The following FBXL13 variants were observed in gnomAD, a reference collection of about 807,000 sequenced individuals.
The protein encoded by FBXL13 is F-box and leucine-rich repeat protein 13.
FBXL13 carries 67 observed loss-of-function variants against 83.6 expected under a neutral mutation model. The ratio of observed to expected loss-of-function variants is 0.80; its 90% CI spans 0.66 to 0.98. The LOEUF is 0.98. FBXL13 is among the 50% of genes least tolerant of loss of function. The probability of loss-of-function intolerance (pLI) is 0.00; values close to 1 mark genes in which losing one functional copy is unlikely to be tolerated. For synonymous variants in FBXL13, 272 were observed against 299.5 expected (o/e 0.91, Z 0.95); for missense variants, 822 against 866.5 (o/e 0.95, Z 0.64).
intron 5 of FBXL13, among the ~76,000 whole-genome samples, chr7:103,026,655 G>A (rs1250606358): frequency 6.6e-6 from 1 of 152,148 alleles, no homozygotes. Flanking sequence ...CTCTAGCATT[G>A]TTTTAGGCAT....
intron 14 of FBXL13, among the ~76,000 whole-genome samples, chr7:102,881,096 C>G (rs1185785267): frequency 6.6e-6 from 1 of 152,106 alleles, no homozygotes; most frequent in Non-Finnish European, 1.5e-5. Context: ...ATATTTTTGG[C>G]AGAGCCCTTT....
chr7:102,821,969 C>CT, intron 19 of FBXL13, 71 bp downstream of exon 20: 1 of 1,491,718 alleles, frequency 6.7e-7, no homozygotes, highest in Admixed American at 1.7e-5. Context: ...TATTATGAAC[C>CT]TTATAGCCAT....
chr7:102,985,589 A>G (rs150209868), intron 6 of FBXL13, among the ~76,000 whole-genome samples: 1 of 152,336 alleles, frequency 6.6e-6, no homozygotes, highest in African/African-American at 2.4e-5. Flanking sequence ...AGTGAATTCC[A>G]TAGAGCTGGA....
chr7:102,860,241 C>G (rs1806609942), intron 16 of FBXL13, among the ~76,000 whole-genome samples: 1 of 152,136 alleles, frequency 6.6e-6, no homozygotes, highest in Non-Finnish European at 1.5e-5. Flanking sequence ...CCAACTCATT[C>G]TCTACAGAAA....
intron 8 of FBXL13, chr7:102,933,712 T>C (rs1437449329): frequency 4.4e-6 from 2 of 450,702 alleles, no homozygotes; most frequent in Non-Finnish European, 7.7e-6. Context: ...TGTTCTTATC[T>C]GTCAGTAATA....
chr7:102,970,485 C>A (rs1277948297), intron 6 of FBXL13, among the ~76,000 whole-genome samples: 1 of 152,100 alleles, frequency 6.6e-6, no homozygotes, highest in Non-Finnish European at 1.5e-5. Context: ...TATTAATGTG[C>A]AAAGAGGTTC....
rs761681047 is a variant in FBXL13, at chr7:102,963,524, C to G, written c.724+9G>C. 21 of 1,609,274 alleles carry G rather than the reference C, an allele frequency of 1.3e-5. 1 individual carries two copies. In the Middle Eastern group the frequency reaches 1.2e-3, roughly 89 times the overall value. On this transcript the variant is annotated intron_variant, in intron 8 of 19. Transcript: ENST00000313221. ...AAGCAAGACAAATAGTTGTAATGAA[C>G]ATACTTACTGACAGATCTGAAAGTT... is the stretch of plus-strand genomic sequence containing the variant.
At chr7:103,071,537 C>T (rs1472791730) in intron 1 of FBXL13, among the ~76,000 whole-genome samples, 2 of 149,190 alleles carry the variant, frequency 1.3e-5, no homozygotes, top group South Asian at 2.2e-4. Context: ...GTGTGAGCCA[C>T]TAAGACAAGT....
intron 2 of FBXL13, among the ~76,000 whole-genome samples, chr7:103,051,532 T>C (rs1796814205): frequency 1.3e-5 from 2 of 152,156 alleles, no homozygotes; most frequent in South Asian, 2.1e-4. Context: ...GTCCTGCAGG[T>C]ACCTTGTTTG....
chr7:103,003,333 G>T (rs1345960418), intron 6 of FBXL13, among the ~76,000 whole-genome samples: 10 of 132,168 alleles, frequency 7.6e-5, no homozygotes, highest in African/African-American at 3.0e-4. Flanking sequence ...TCTTGCCCAG[G>T]CTGGAGTGCA....
intron 11 of FBXL13, among the ~76,000 whole-genome samples, chr7:102,903,477 T>A (rs930471296): frequency 2.6e-5 from 4 of 152,122 alleles, no homozygotes; most frequent in African/African-American, 9.6e-5. Context: ...ACAGTGGACA[T>A]CCTTATCATG....
upstream of FBXL13, chr7:103,074,729 G>C (rs1310560563): frequency 7.8e-7 from 1 of 1,289,858 alleles, no homozygotes; most frequent in Non-Finnish European, 1.0e-6. Flanking sequence ...TCTCCTTGAA[G>C]TAGTTCTTCA....
intron 2 of FBXL13, among the ~76,000 whole-genome samples, chr7:103,041,939 T>G (rs1795756289): frequency 6.6e-6 from 1 of 152,152 alleles, no homozygotes; most frequent in Admixed American, 6.5e-5. Context: ...CTCTCAATAC[T>G]CCTATTCAAC....
At chr7:102,962,695 A>T (rs1269682471) in intron 8 of FBXL13, among the ~76,000 whole-genome samples, 1 of 152,064 alleles carries the variant, frequency 6.6e-6, no homozygotes, top group East Asian at 1.9e-4. Flanking sequence ...ACATGGATGA[A>T]ATTGGAAATC....
intron 2 of FBXL13, among the ~76,000 whole-genome samples, chr7:103,046,494 G>T (rs1423681305): frequency 6.6e-6 from 1 of 152,174 alleles, no homozygotes; most frequent in Non-Finnish European, 1.5e-5. Context: ...GAGGAGTTTT[G>T]ACTGATTATG....
At chr7:102,940,327 A>G (rs1461455123) in intron 8 of FBXL13, among the ~76,000 whole-genome samples, 1 of 151,574 alleles carries the variant, frequency 6.6e-6, no homozygotes, top group Non-Finnish European at 1.5e-5. Context: ...CTCCTGCCTC[A>G]GCCTCCCAAG....
intron 16 of FBXL13, among the ~76,000 whole-genome samples, chr7:102,875,096 ACT>A (rs924012607): frequency 1.3e-5 from 2 of 151,962 alleles, no homozygotes; most frequent in African/African-American, 4.8e-5. Flanking sequence ...ACTTCTTGTC[ACT>A]CTGTGACCCT....
rs1333435253 is a variant in FBXL13, at chr7:102,848,473, G to A, written c.1719+6304C>T. 2.0e-4 allele frequency among the ~76,000 whole-genome samples: 17 copies of A among 83,816 alleles called. 5 individuals are homozygous for A. The highest frequency in any genetic ancestry group is 4.0e-4 in the African/African-American group (5 of 12,564). 55.0% of individuals were successfully genotyped at this position (83,816 alleles called of 152,430 possible). On this transcript the variant is annotated intron_variant, in intron 17 of 19. Transcript: ENST00000313221. ...CGGGAGGCTGAGGCAGGAGAATGGCGTGAACCCAAGAGGCGGAGCTTGCAG... is the reference window on the plus strand; with the variant it reads ...CGGGAGGCTGAGGCAGGAGAATGGCATGAACCCAAGAGGCGGAGCTTGCAG...
At chr7:103,068,764 C>T (rs1798636931) in intron 1 of FBXL13, among the ~76,000 whole-genome samples, 1 of 152,132 alleles carries the variant, frequency 6.6e-6, no homozygotes, top group African/African-American at 2.4e-5. Context: ...CAAGTGTGGC[C>T]ACTGTCTCCC....
Sources: gnomAD v4.1 joint callset for allele counts (sites outside exome capture counted in the v4.1 genomes callset) on GRCh38, gnomAD v4.1.1 for gene constraint, MANE v1.5 for transcripts, NCBI Gene and HGNC (gene_info 2026-07-23, HGNC 2026-07-21) for gene names.